Variants in NDUFA9 observed in about 807,000 individuals in gnomAD.
The protein encoded by NDUFA9 is NADH dehydrogenase [ubiquinone] 1 alpha subcomplex subunit 9, mitochondrial.
NDUFA9 carries 23 observed loss-of-function variants against 45.9 expected under a neutral mutation model. That is an observed-to-expected ratio of 0.50 (90% CI 0.36 to 0.71). The LOEUF (loss-of-function observed/expected upper bound fraction) is 0.71. NDUFA9 is among the 30% of genes least tolerant of loss of function. The pLI, the probability that NDUFA9 is intolerant of heterozygous loss-of-function variation, is 0.00. For synonymous variants in NDUFA9, 176 were observed against 170.5 expected, an observed-to-expected ratio of 1.03 and a Z score of -0.25; for missense variants, 466 against 488.2, an observed-to-expected ratio of 0.95 and a Z score of 0.43.
In NDUFA9 at chr12:4,675,350, A is replaced by G. The variant is rs571939865; in HGVS notation, c.800+5533A>G. Among the ~76,000 whole-genome samples the G allele has an allele frequency of 2.0e-4, 30 of 152,278 alleles. No individual in the cohort carries two copies. In the South Asian group the frequency reaches 5.8e-3, roughly 30 times the overall value. Reference sequence around the variant, plus strand: ...ACCGAAGGAGATAGAGACAGGAAAAACCCTTCAAAAAATCAATGAATCCAG... The same window carrying G: ...ACCGAAGGAGATAGAGACAGGAAAAGCCCTTCAAAAAATCAATGAATCCAG... On this transcript the variant is annotated intron_variant, in intron 8 of 10. Transcript: ENST00000266544.
At chr12:4,660,909 G>T (rs2137467125) in intron 5 of NDUFA9, among the ~76,000 whole-genome samples, 1 of 152,242 alleles carries the variant, frequency 6.6e-6, no homozygotes, top group South Asian at 2.1e-4. Flanking sequence ...AGTGGGAATG[G>T]TAAGGGTAGG....
At chr12:4,682,130 A>T in intron 8 of NDUFA9, 75 bp from the exon 9 acceptor site, 1 of 1,142,562 alleles carries the variant, frequency 8.8e-7, no homozygotes, top group Non-Finnish European at 1.3e-6. Flanking sequence ...TTTTATAAGG[A>T]AAATGTTATT....
chr12:4,686,082 G>C (rs866089920), intron 10 of NDUFA9, among the ~76,000 whole-genome samples: 1 of 152,326 alleles, frequency 6.6e-6, no homozygotes, highest in Non-Finnish European at 1.5e-5. Flanking sequence ...AGGATCGCTG[G>C]TTGTCAGACA....
rs770501176 is a variant in NDUFA9, at chr12:4,654,500, A to G, written c.220+38A>G. On this transcript the variant is annotated intron_variant, in intron 2 of 10. Coordinates refer to ENST00000266544, the MANE Select transcript of NDUFA9 (RefSeq NM_005002.5). ...CCTTAAGTTCATATGCTCCATTGCC[A>G]TTGATCAGGATTGCCTGATGAGAAG... 4.4e-6 allele frequency: 7 copies of G among 1,599,836 alleles called. No homozygotes were observed. In the African/African-American group the frequency reaches 5.4e-5, roughly 12 times the overall value.
rs1401134665 is a variant in NDUFA9, at chr12:4,687,931, G to C, written c.*823G>C. ...ACATACCACCATCCTAGGTGACCCA[G>C]GGTTGGTCATTGTGTTTCACTGGAC... On this transcript the variant is annotated 3_prime_UTR_variant, in exon 11 of 11. Coordinates refer to ENST00000266544, the MANE Select transcript of NDUFA9 (RefSeq NM_005002.5). 1 of 152,230 alleles carries C rather than the reference G, an allele frequency of 6.6e-6. No individual in the cohort carries two copies. The highest frequency in any genetic ancestry group is 1.5e-5 in the Non-Finnish European group (1 of 68,064). 9.4% of individuals were successfully genotyped at this position (152,230 alleles called of 1,614,324 possible).
At chr12:4,657,388 T>C (rs751840197) in intron 3 of NDUFA9, 5 of 188,254 alleles carry the variant, frequency 2.7e-5, no homozygotes, top group Non-Finnish European at 4.4e-5. Flanking sequence ...CTTGCTTCTT[T>C]GTCTGTATTT....
rs1565574706 is a variant in NDUFA9 at position 4,689,847 on chromosome 12, G to A, written c.*2739G>A. ...CCAGACGTGGTGGTGGCCGGGCAGA[G>A]GGGCTCCTCACTTCCCAGTAGGGGC... On this transcript the variant is annotated 3_prime_UTR_variant, in exon 11 of 11. Coordinates refer to ENST00000266544, the MANE Select transcript of NDUFA9 (RefSeq NM_005002.5). The A allele has an allele frequency of 6.0e-6, 1 of 167,934 alleles. No homozygotes were observed. The highest frequency in any genetic ancestry group is 1.3e-5 in the Non-Finnish European group (1 of 79,596). The allele number at this position is 167,934 out of a possible 1,614,324, so 10.4% of individuals were successfully genotyped here. A position where few individuals can be genotyped will look rare whatever the true frequency, so the allele number is the denominator to read the frequency against.
At chr12:4,680,348 G>T (rs997888989) in intron 8 of NDUFA9, among the ~76,000 whole-genome samples, 1 of 152,208 alleles carries the variant, frequency 6.6e-6, no homozygotes, top group Admixed American at 6.5e-5. Flanking sequence ...CAACCAGAGT[G>T]AGTTTTGCTT....
At chr12:4,665,296 A>G (rs1460065748) in intron 6 of NDUFA9, among the ~76,000 whole-genome samples, 3 of 152,068 alleles carry the variant, frequency 2.0e-5, no homozygotes, top group Non-Finnish European at 2.9e-5. Flanking sequence ...TTTGGTTTCT[A>G]TGAATTTGAC....
chr12:4,678,614 C>A (rs914416961), intron 8 of NDUFA9, among the ~76,000 whole-genome samples: 15 of 152,068 alleles, frequency 9.9e-5, no homozygotes, highest in African/African-American at 3.4e-4. Flanking sequence ...AGAAGATGAT[C>A]CATTTTTTAA....
At position 4,689,305 on chromosome 12, in the gene NDUFA9, TA is replaced by T. The variant is rs1298562949; in HGVS notation, c.*2198del. The T allele has an allele frequency of 2.6e-5, 4 of 151,646 alleles. No homozygotes were observed. Among genetic ancestry groups the T allele is most frequent in the Admixed American group, 2.0e-4 (3 of 15,184 alleles). The allele number at this position is 151,646 out of a possible 1,614,324, so 9.4% of individuals were successfully genotyped here. A position where few individuals can be genotyped will look rare whatever the true frequency, so the allele number is the denominator to read the frequency against. On this transcript the variant is annotated 3_prime_UTR_variant, in exon 11 of 11. Transcript: ENST00000266544. Reference sequence around the variant, plus strand: ...TATATTTCTTTTATTTTTTATTTTTTATTTTTTTATTTTTATTGATCATTCT... The same window carrying T: ...TATATTTCTTTTATTTTTTATTTTTTTTTTTTTATTTTTATTGATCATTCT...
At chr12:4,657,062 T>C (rs1377000295) in intron 3 of NDUFA9, 2 of 152,274 alleles carry the variant, frequency 1.3e-5, no homozygotes, top group African/African-American at 4.8e-5. Flanking sequence ...TCCTTCCTAT[T>C]GCACTGACTC....
rs534178126 is a variant in NDUFA9, at chr12:4,668,643, C to T, written c.723+119C>T. ...TGTCATTTTCTTTGTCAACTTGTGT[C>T]AGCTAGCTGCCTCTTAGTTTACTTA... On this transcript the variant is annotated intron_variant, in intron 7 of 10. Coordinates refer to ENST00000266544, the MANE Select transcript of NDUFA9 (RefSeq NM_005002.5). 37 of 890,806 alleles carry T rather than the reference C, an allele frequency of 4.2e-5. No individual in the cohort carries two copies. The East Asian group carries it at 8.9e-4, about 22-fold the overall frequency. The allele number at this position is 890,806 out of a possible 1,614,324, so 55.2% of individuals were successfully genotyped here.
At chr12:4,668,779 T>C in intron 7 of NDUFA9, 1 of 455,408 alleles carries the variant, frequency 2.2e-6, no homozygotes. Flanking sequence ...GAAATAAAGA[T>C]ATTAACTAGA....
rs942598559 is a variant in NDUFA9, at chr12:4,682,314, T to C, written c.896+14T>C. The C allele has an allele frequency of 1.3e-6, 2 of 1,583,074 alleles. No individual in the cohort carries two copies. The highest frequency in any genetic ancestry group is 2.7e-5 in the African/African-American group (2 of 74,192). ...TTTTGCCTATCGGTAAGTAGAGTGCTCCTTTTGTGTGACTTCTGAAAAAGC... is the reference window on the plus strand; with the variant it reads ...TTTTGCCTATCGGTAAGTAGAGTGCCCCTTTTGTGTGACTTCTGAAAAAGC... On this transcript the variant is annotated intron_variant, in intron 9 of 10. Coordinates refer to ENST00000266544, the MANE Select transcript of NDUFA9 (RefSeq NM_005002.5).
chr12:4,691,219 G>A lies in NDUFA9; in HGVS notation c.*4111G>A, dbSNP rs868521945. 82 of 152,338 alleles carry A rather than the reference G, an allele frequency of 5.4e-4. No individual in the cohort carries two copies. Among genetic ancestry groups the A allele is most frequent in the African/African-American group, 1.9e-3 (80 of 41,580 alleles). The allele number at this position is 152,338 out of a possible 1,614,324, so 9.4% of individuals were successfully genotyped here. A position where few individuals can be genotyped will look rare whatever the true frequency, so the allele number is the denominator to read the frequency against. On this transcript the variant is annotated 3_prime_UTR_variant, in exon 11 of 11. Coordinates refer to ENST00000266544, the MANE Select transcript of NDUFA9 (RefSeq NM_005002.5). Reference sequence around the variant, plus strand: ...GTGATGAGGAATTAAATGAGATCATGCATGTAAAATGCTGAGCCCTGCACA... The same window carrying A: ...GTGATGAGGAATTAAATGAGATCATACATGTAAAATGCTGAGCCCTGCACA...
At chr12:4,668,978 G>C (rs566188730) in intron 7 of NDUFA9, among the ~76,000 whole-genome samples, 16 of 152,308 alleles carry the variant, frequency 1.1e-4, no homozygotes, top group African/African-American at 3.8e-4. Context: ...ATGACTAAAG[G>C]TAAGCCTGAT....
Position 4,689,608 on chromosome 12 carries a change from G to C in NDUFA9, c.*2500G>C, listed in dbSNP as rs894832648. ...CACAGCACATGTTTCAGAGAGCACA[G>C]GGTTGGGGGTAAGATCATAGATCAA... On this transcript the variant is annotated 3_prime_UTR_variant, in exon 11 of 11. Transcript: ENST00000266544. 2 of 189,612 alleles carry C rather than the reference G, an allele frequency of 1.1e-5. No individual in the cohort carries two copies. Among genetic ancestry groups the C allele is most frequent in the African/African-American group, 4.8e-5 (2 of 41,944 alleles). 11.7% of individuals were successfully genotyped at this position (189,612 alleles called of 1,614,324 possible).
rs903931295 is a variant in NDUFA9 at position 4,693,230 on chromosome 12, T to C, written c.*6122T>C. On this transcript the variant is annotated 3_prime_UTR_variant, in exon 11 of 11. Transcript: ENST00000266544. ...CTGTTGAATAAATGAATGAATGAGG[T>C]GGGAAGTCTTTCTTTACACTTAGAT... 1 of 152,124 alleles carries C rather than the reference T, an allele frequency of 6.6e-6. No individual in the cohort carries two copies. Among genetic ancestry groups the C allele is most frequent in the Non-Finnish European group, 1.5e-5 (1 of 68,024 alleles). The allele number at this position is 152,124 out of a possible 1,614,324, so 9.4% of individuals were successfully genotyped here.
Sources: allele counts gnomAD v4.1 joint callset (sites outside exome capture counted in the v4.1 genomes callset), GRCh38; gene constraint gnomAD v4.1.1; transcripts MANE v1.5; gene names NCBI Gene and HGNC (gene_info 2026-07-23, HGNC 2026-07-21).